Variants in ALG9 observed in about 807,000 individuals in gnomAD.
ALG9 encodes the protein alpha-1,2-mannosyltransferase ALG9.
In ALG9, 55 loss-of-function variants were observed where a neutral mutation model predicts 81.8. The ratio of observed to expected loss-of-function variants is 0.67; its 90% CI spans 0.54 to 0.84. ALG9 has a LOEUF of 0.84. Among genes scored for constraint, ALG9 ranks in the 40% least tolerant of loss-of-function variants. The pLI is 0.00. For synonymous variants in ALG9, 278 were observed against 274.3 expected (o/e 1.01, Z -0.13); for missense variants, 629 against 745.0 (o/e 0.84, Z 1.81).
intron 13 of ALG9, among the ~76,000 whole-genome samples, chr11:111,832,303 G>T (rs1255782304): frequency 3.3e-5 from 5 of 152,014 alleles, no homozygotes; most frequent in Non-Finnish European, 7.4e-5. Flanking sequence ...CAGAGAGAGG[G>T]TCCTGCTATG....
intron 13 of ALG9, among the ~76,000 whole-genome samples, chr11:111,835,911 T>C (rs552743677): frequency 9.9e-5 from 15 of 152,198 alleles, no homozygotes; most frequent in African/African-American, 1.9e-4. Flanking sequence ...CCACCACACC[T>C]GGCTTATTTT....
At chr11:111,862,921 T>C (rs1960856760) in intron 4 of ALG9, among the ~76,000 whole-genome samples, 2 of 152,146 alleles carry the variant, frequency 1.3e-5, no homozygotes, top group African/African-American at 4.8e-5. Flanking sequence ...TCACCCATAA[T>C]GTTTTGCTCC....
At chr11:111,800,753 G>A (rs868933990) in intron 14 of ALG9, among the ~76,000 whole-genome samples, 1 of 152,154 alleles carries the variant, frequency 6.6e-6, no homozygotes, top group Admixed American at 6.6e-5. Context: ...AGGTCCAAGA[G>A]GACAGCGACC....
chr11:111,814,535 G>A lies in ALG9; in HGVS notation c.1603-4762C>T, dbSNP rs76456508. The A allele has an allele frequency of 4.4e-3, 665 of 152,272 alleles. 3 individuals carry two copies. The highest frequency in any genetic ancestry group is 0.015 in the African/African-American group (635 of 41,554). The allele number at this position is 152,272 out of a possible 1,614,324, so 9.4% of individuals were successfully genotyped here. ...TACTTTACACACATTTAGGCTTATA[G>A]ATTATACATTACTAGAAGGTTTTTT... On this transcript the variant is annotated intron_variant, in intron 13 of 14. Coordinates refer to ENST00000616540, the MANE Select transcript of ALG9 (RefSeq NM_024740.2).
chr11:111,776,977 G>A, the ALG9 span, among the ~76,000 whole-genome samples: 1 of 152,216 alleles, frequency 6.6e-6, no homozygotes, highest in Non-Finnish European at 1.5e-5. Flanking sequence ...GCATCTGAAG[G>A]ACAGAACCTT....
chr11:111,851,154 C>T (rs1334149382), intron 8 of ALG9, among the ~76,000 whole-genome samples: 1 of 152,124 alleles, frequency 6.6e-6, no homozygotes, highest in Non-Finnish European at 1.5e-5. Flanking sequence ...TTCTTTCCTA[C>T]TTTCCCTACC....
At chr11:111,801,963 G>C (rs1241894706) in intron 14 of ALG9, among the ~76,000 whole-genome samples, 2 of 152,186 alleles carry the variant, frequency 1.3e-5, no homozygotes, top group African/African-American at 4.8e-5. Flanking sequence ...AGGTACCAAA[G>C]AACACGTGTG....
In ALG9 at chr11:111,860,530, T is replaced by C. The variant is rs782585291; in HGVS notation, c.565+17A>G. 6.2e-7 allele frequency: 1 copy of C among 1,611,220 alleles called. No individual in the cohort carries two copies. Among genetic ancestry groups the C allele is most frequent in the Non-Finnish European group, 8.5e-7 (1 of 1,177,376 alleles). On this transcript the variant is annotated intron_variant, in intron 5 of 14. Coordinates refer to ENST00000616540, the MANE Select transcript of ALG9 (RefSeq NM_024740.2). ...CTGGTGATGACCTGCAATTCCCTCA[T>C]CTGCCCTTTTACTTACCTGATGATG...
chr11:111,810,285 G>C (rs1217902342), intron 13 of ALG9, among the ~76,000 whole-genome samples: 2 of 152,104 alleles, frequency 1.3e-5, no homozygotes. Flanking sequence ...AGAGACATTG[G>C]AACGGCTCCT....
chr11:111,792,372 G>T (rs149468127), intron 14 of ALG9, among the ~76,000 whole-genome samples: 2 of 152,334 alleles, frequency 1.3e-5, no homozygotes, highest in African/African-American at 4.8e-5. Context: ...TGGATGGACT[G>T]CTGAAGACAG....
At chr11:111,797,704 G>C (rs1948512794) in intron 14 of ALG9, among the ~76,000 whole-genome samples, 1 of 152,162 alleles carries the variant, frequency 6.6e-6, no homozygotes, top group African/African-American at 2.4e-5. Context: ...CCTTCAACCA[G>C]ATTACTCTCT....
intron 14 of ALG9, among the ~76,000 whole-genome samples, chr11:111,808,042 C>T (rs1052823643): frequency 6.6e-6 from 1 of 152,136 alleles, no homozygotes; most frequent in Non-Finnish European, 1.5e-5. Flanking sequence ...TGCATTCCAG[C>T]GTCGTGACAG....
intron 8 of ALG9, among the ~76,000 whole-genome samples, chr11:111,845,560 C>A (rs1566053363): frequency 6.6e-6 from 1 of 152,170 alleles, no homozygotes; most frequent in Non-Finnish European, 1.5e-5. Context: ...ACAAGTCTTA[C>A]TCACACTATT....
intron 14 of ALG9, among the ~76,000 whole-genome samples, chr11:111,808,954 A>G (rs1591946984): frequency 6.6e-6 from 1 of 152,222 alleles, no homozygotes; most frequent in Non-Finnish European, 1.5e-5. Flanking sequence ...AATAAGGCCT[A>G]TCTCAGCCCT....
chr11:111,771,760 G>C, the ALG9 span, among the ~76,000 whole-genome samples: 2 of 152,220 alleles, frequency 1.3e-5, no homozygotes, highest in Non-Finnish European at 2.9e-5. Context: ...TCGCAAAGTA[G>C]TGATTATCAC....
chr11:111,788,507 G>A (rs1555067307), intron 14 of ALG9: 2 of 452,242 alleles, frequency 4.4e-6, no homozygotes, highest in Non-Finnish European at 8.9e-6. Flanking sequence ...ATTTTGAGAG[G>A]CTGAGGTGGG....
chr11:111,793,900 T>C (rs782657429), intron 14 of ALG9, among the ~76,000 whole-genome samples: 1 of 152,096 alleles, frequency 6.6e-6, no homozygotes, highest in Non-Finnish European at 1.5e-5. Flanking sequence ...ATAATGTCTG[T>C]AATAAAGTGA....
the ALG9 span, among the ~76,000 whole-genome samples, chr11:111,774,069 T>TAAAAAAAAAAAAAAAAAAA: frequency 4.3e-5 from 3 of 69,732 alleles, no homozygotes; most frequent in Non-Finnish European, 7.9e-5. Context: ...CATATCTTAT[T>TAAAAAAAAAAAAAAAAAAA]AAAAAAAAAA....
At chr11:111,867,674 G>T (rs984455056) in intron 3 of ALG9, among the ~76,000 whole-genome samples, 15 of 152,178 alleles carry the variant, frequency 9.9e-5, no homozygotes, top group Non-Finnish European at 2.2e-4. Flanking sequence ...TTCAGTTTGA[G>T]ATCTTCCTGA....
Sources: gnomAD v4.1 joint callset for allele counts (sites outside exome capture counted in the v4.1 genomes callset) on GRCh38, gnomAD v4.1.1 for gene constraint, MANE v1.5 for transcripts, NCBI Gene and HGNC (gene_info 2026-07-23, HGNC 2026-07-21) for gene names.